Variants in BMP5 observed in about 807,000 individuals in gnomAD.
BMP5 encodes bone morphogenetic protein 5.
A neutral mutation model predicts 46.6 loss-of-function variants in BMP5; 23 were observed. That is an observed-to-expected ratio of 0.49 (90% CI 0.35 to 0.70). The LOEUF is 0.70. Ranked by LOEUF, BMP5 falls within the 30% of genes least tolerant of loss-of-function variation. BMP5 has a pLI of 0.00. For synonymous variants in BMP5, 204 were observed against 191.9 expected, an observed-to-expected ratio of 1.06 and a Z score of -0.52; for missense variants, 545 against 565.6, an observed-to-expected ratio of 0.96 and a Z score of 0.37.
intron 2 of BMP5, among the ~76,000 whole-genome samples, chr6:55,816,492 A>G (rs1396578225): frequency 6.6e-6 from 1 of 152,154 alleles, no homozygotes; most frequent in African/African-American, 2.4e-5. Context: ...TTCACTATAT[A>G]TGCCTGGCCC....
At chr6:55,856,707 A>G (rs1777406882) in intron 1 of BMP5, among the ~76,000 whole-genome samples, 1 of 152,086 alleles carries the variant, frequency 6.6e-6, no homozygotes, top group South Asian at 2.1e-4. Context: ...ACACTTACAT[A>G]CCACCCGATT....
chr6:55,845,365 A>G (rs1408643461), intron 1 of BMP5, among the ~76,000 whole-genome samples: 1 of 151,890 alleles, frequency 6.6e-6, no homozygotes, highest in South Asian at 2.1e-4. Context: ...CAGCATATTC[A>G]CCTGGAACCT....
intron 1 of BMP5, among the ~76,000 whole-genome samples, chr6:55,868,897 G>A (rs1777712905): frequency 6.6e-6 from 1 of 152,084 alleles, no homozygotes; most frequent in Admixed American, 6.6e-5. Context: ...CTTAGCCAAG[G>A]GTATTATTTT....
chr6:55,836,219 A>G (rs573251221), intron 1 of BMP5, among the ~76,000 whole-genome samples: 1 of 152,178 alleles, frequency 6.6e-6, no homozygotes. Context: ...CTAAAAACAC[A>G]TTGTTTTATT....
chr6:55,818,354 C>T (rs1279328344), intron 2 of BMP5, among the ~76,000 whole-genome samples: 1 of 151,704 alleles, frequency 6.6e-6, no homozygotes, highest in Non-Finnish European at 1.5e-5. Context: ...GTTTCTATTT[C>T]CTTACAAAGT....
At chr6:55,861,351 C>A (rs964241956) in intron 1 of BMP5, among the ~76,000 whole-genome samples, 1 of 152,210 alleles carries the variant, frequency 6.6e-6, no homozygotes, top group African/African-American at 2.4e-5. Context: ...ACCCAGCATA[C>A]AATTAAACTC....
chr6:55,758,892 T>C, intron 6 of BMP5, 113 bp downstream of exon 6: 1 of 799,826 alleles, frequency 1.3e-6, no homozygotes. Context: ...AACAAATGAG[T>C]TTGAGAAGAT....
At chr6:55,844,892 T>G (rs538595677) in intron 1 of BMP5, among the ~76,000 whole-genome samples, 1 of 152,168 alleles carries the variant, frequency 6.6e-6, no homozygotes, top group Admixed American at 6.6e-5. Flanking sequence ...GCTAAAAATG[T>G]ATATTTTGAA....
At chr6:55,784,709 A>T (rs1213884755) in intron 3 of BMP5, among the ~76,000 whole-genome samples, 1 of 151,856 alleles carries the variant, frequency 6.6e-6, no homozygotes, top group Non-Finnish European at 1.5e-5. Flanking sequence ...ACCACATCAC[A>T]ATTAAACTCC....
chr6:55,803,169 G>A lies in BMP5; in HGVS notation c.684-8742C>T, dbSNP rs964831882. Among the ~76,000 whole-genome samples, 78 of 149,774 alleles carry A rather than the reference G, an allele frequency of 5.2e-4. 1 individual carries two copies. The highest frequency in any genetic ancestry group is 1.2e-3 in the African/African-American group (47 of 40,680). ...GGGTGGGGGGGTGGGGGGGGCAGGC[G>A]CCTGTAATCCCAGCTACTCGGGAGG... On this transcript the variant is annotated intron_variant, in intron 2 of 6. Transcript: ENST00000370830.
intron 1 of BMP5, among the ~76,000 whole-genome samples, chr6:55,830,411 A>G (rs1033142491): frequency 3.3e-5 from 5 of 152,022 alleles, no homozygotes; most frequent in African/African-American, 1.2e-4. Context: ...TTTCCTTTGT[A>G]TTGGGATTTC....
intron 4 of BMP5, among the ~76,000 whole-genome samples, chr6:55,766,776 C>T (rs1250266999): frequency 1.3e-5 from 2 of 151,988 alleles, no homozygotes; most frequent in Non-Finnish European, 2.9e-5. Flanking sequence ...TACCACATTC[C>T]TCTCACATAA....
chr6:55,869,833 A>G (rs1230332876), intron 1 of BMP5, among the ~76,000 whole-genome samples: 1 of 152,154 alleles, frequency 6.6e-6, no homozygotes, highest in Non-Finnish European at 1.5e-5. Context: ...GGCACATCAT[A>G]ACCTTTTCCT....
intron 3 of BMP5, among the ~76,000 whole-genome samples, chr6:55,784,771 T>A (rs922278756): frequency 4.0e-5 from 6 of 151,876 alleles, no homozygotes; most frequent in African/African-American, 1.4e-4. Flanking sequence ...ACAGCAAAAA[T>A]TCAATTCTCT....
Position 55,817,501 on chromosome 6 carries a change from C to T in BMP5, c.683+2154G>A, listed in dbSNP as rs1271649146. On this transcript the variant is annotated intron_variant, in intron 2 of 6. Transcript: ENST00000370830. ...CATTCCCAGCAAACTATCGCAAGGA[C>T]AAAAAACCAAACACCTCATGTTCTC... Among the ~76,000 whole-genome samples, 3 of 149,846 alleles carry T rather than the reference C, an allele frequency of 2.0e-5. No individual in the cohort carries two copies. In the Admixed American group the frequency reaches 2.0e-4, roughly 10 times the overall value.
chr6:55,867,302 C>T (rs1303801480), intron 1 of BMP5, among the ~76,000 whole-genome samples: 1 of 152,176 alleles, frequency 6.6e-6, no homozygotes, highest in Non-Finnish European at 1.5e-5. Flanking sequence ...TATCTCTCCT[C>T]TGAGCTTTCT....
intron 4 of BMP5, among the ~76,000 whole-genome samples, chr6:55,760,804 C>T (rs950332227): frequency 6.6e-6 from 1 of 151,912 alleles, no homozygotes; most frequent in East Asian, 1.9e-4. Flanking sequence ...TGACAGGGCA[C>T]AGCATGGTGT....
At chr6:55,772,612 T>G (rs550127941) in intron 4 of BMP5, 1 of 321,462 alleles carries the variant, frequency 3.1e-6, no homozygotes, top group African/African-American at 2.2e-5. Context: ...ATCTTTCATA[T>G]TAAGTAATTA....
At chr6:55,770,295 C>T (rs1250279548) in intron 4 of BMP5, among the ~76,000 whole-genome samples, 1 of 151,926 alleles carries the variant, frequency 6.6e-6, no homozygotes, top group Non-Finnish European at 1.5e-5. Flanking sequence ...TTCATCAATA[C>T]TTGCTGTTTC....
Sources: gnomAD v4.1 joint callset for allele counts (sites outside exome capture counted in the v4.1 genomes callset) on GRCh38, gnomAD v4.1.1 for gene constraint, MANE v1.5 for transcripts, NCBI Gene and HGNC (gene_info 2026-07-23, HGNC 2026-07-21) for gene names.